Variants in SETBP1 observed in about 807,000 individuals in gnomAD.
SETBP1 encodes SET binding protein 1, also known as SET-binding protein.
Under a neutral mutation model 101.0 loss-of-function variants are expected in SETBP1, and 9 were observed. The observed-to-expected ratio is 0.09, with a 90% confidence interval of 0.05 to 0.16. The LOEUF (loss-of-function observed/expected upper bound fraction) is 0.16, where lower values mean the gene tolerates loss of function less well. Ranked by LOEUF, SETBP1 falls within the 10% of genes least tolerant of loss-of-function variation. The probability of loss-of-function intolerance (pLI) is 1.00; values close to 1 mark genes in which losing one functional copy is unlikely to be tolerated. For synonymous variants in SETBP1, 818 were observed against 788.5 expected (o/e 1.04, Z -0.63); for missense variants, 1,858 against 2,033.8 (o/e 0.91, Z 1.66).
chr18:44,694,707 A>G (rs2068986974), intron 1 of SETBP1, among the ~76,000 whole-genome samples: 1 of 152,218 alleles, frequency 6.6e-6, no homozygotes, highest in Non-Finnish European at 1.5e-5. Context: ...GGTAGAAGGT[A>G]GTCCAGTACT....
intron 2 of SETBP1, among the ~76,000 whole-genome samples, chr18:44,781,070 AGGC>A (rs2071120045): frequency 6.6e-6 from 1 of 152,186 alleles, no homozygotes; most frequent in South Asian, 2.1e-4. Context: ...GCAAGTGGGC[AGGC>A]TGCTGGGCTG....
rs138885537 is a variant in SETBP1, at chr18:44,737,769, A to G, written c.486+35937A>G. On this transcript the variant is annotated intron_variant, in intron 2 of 5. Transcript: ENST00000649279. The stretch of plus-strand genomic sequence containing the variant: ...GCTGGCTGGAAGTTCCAGAACAGGG[A>G]TTCTTAGCCTTAGAAGTGTAGTTGT... 3.8e-4 allele frequency among the ~76,000 whole-genome samples: 58 copies of G among 152,318 alleles called. No homozygotes were observed. The East Asian group carries it at 0.011, about 29-fold the overall frequency.
At chr18:44,687,357 G>T (rs1402854704) in intron 1 of SETBP1, among the ~76,000 whole-genome samples, 1 of 152,172 alleles carries the variant, frequency 6.6e-6, no homozygotes, top group Non-Finnish European at 1.5e-5. Flanking sequence ...CCCTTTAATG[G>T]CGCCGCCAAC....
chr18:44,731,059 G>A (rs951404295), intron 2 of SETBP1, among the ~76,000 whole-genome samples: 1 of 152,114 alleles, frequency 6.6e-6, no homozygotes, highest in Non-Finnish European at 1.5e-5. Context: ...TATGACCCTG[G>A]TGACTGGGCT....
chr18:44,948,511 A>AGATAGATAGATC (rs1555705521), intron 3 of SETBP1, among the ~76,000 whole-genome samples: 1 of 151,952 alleles, frequency 6.6e-6, no homozygotes, highest in Non-Finnish European at 1.5e-5. Context: ...ATAGATAGAT[A>AGATAGATAGATC]GATAGATAGA....
intron 2 of SETBP1, among the ~76,000 whole-genome samples, chr18:44,788,502 G>A (rs931093754): frequency 2.0e-5 from 3 of 152,194 alleles, no homozygotes; most frequent in African/African-American, 4.8e-5. Context: ...AGATGGCTGA[G>A]GCCATTAGCA....
chr18:44,816,589 C>T lies in SETBP1; in HGVS notation c.487-52641C>T, dbSNP rs767825700. Among the ~76,000 whole-genome samples, 7 of 152,292 alleles carry T rather than the reference C, an allele frequency of 4.6e-5. No homozygotes were observed. In the East Asian group the frequency reaches 1.4e-3, roughly 29 times the overall value. On this transcript the variant is annotated intron_variant, in intron 2 of 5. Coordinates refer to ENST00000649279, the MANE Select transcript of SETBP1 (RefSeq NM_015559.3). ...AGCCAGGACGGGAGTCCTTTCTGTG[C>T]ACACCAGAGCATCAGCAAAAGAAGG...
At chr18:44,708,003 A>G (rs2069258907) in intron 2 of SETBP1, among the ~76,000 whole-genome samples, 1 of 152,072 alleles carries the variant, frequency 6.6e-6, no homozygotes, top group Non-Finnish European at 1.5e-5. Flanking sequence ...TTCTCTCTTG[A>G]CCTTTAATGG....
intron 3 of SETBP1, among the ~76,000 whole-genome samples, chr18:44,944,274 C>T (rs114180555): frequency 3.9e-5 from 6 of 152,230 alleles, no homozygotes; most frequent in South Asian, 4.2e-4. Flanking sequence ...CAGGAATGCT[C>T]GGTGTTGCTA....
At chr18:44,981,167 G>A (rs558036236) in intron 4 of SETBP1, among the ~76,000 whole-genome samples, 1 of 152,244 alleles carries the variant, frequency 6.6e-6, no homozygotes, top group East Asian at 1.9e-4. Flanking sequence ...GATCTTCAAG[G>A]CCCTCAATTC....
At chr18:44,762,045 G>A (rs745392819) in intron 2 of SETBP1, among the ~76,000 whole-genome samples, 3 of 152,100 alleles carry the variant, frequency 2.0e-5, no homozygotes, top group African/African-American at 4.8e-5. Flanking sequence ...TATTAGGACC[G>A]TTATGTAATG....
intron 3 of SETBP1, among the ~76,000 whole-genome samples, chr18:44,881,842 A>C (rs2069536915): frequency 6.6e-6 from 1 of 152,196 alleles, no homozygotes; most frequent in South Asian, 2.1e-4. Flanking sequence ...GGTTCTAGTA[A>C]ATGTGACAGT....
intron 4 of SETBP1, among the ~76,000 whole-genome samples, chr18:44,989,675 C>T (rs1159789241): frequency 6.6e-6 from 1 of 151,108 alleles, no homozygotes; most frequent in South Asian, 2.1e-4. Flanking sequence ...CGAGACCATC[C>T]CGGCTAAAAC....
intron 1 of SETBP1, among the ~76,000 whole-genome samples, chr18:44,693,560 G>A (rs1025676934): frequency 5.3e-5 from 8 of 152,098 alleles, no homozygotes; most frequent in Non-Finnish European, 1.0e-4. Flanking sequence ...TGCATGCAAA[G>A]TCCCATGAAG....
intron 2 of SETBP1, among the ~76,000 whole-genome samples, chr18:44,845,228 T>G (rs1176214212): frequency 6.6e-6 from 1 of 152,192 alleles, no homozygotes; most frequent in Non-Finnish European, 1.5e-5. Context: ...TAAGTTAGTT[T>G]CCATGCTCTC....
chr18:44,900,644 A>T (rs4890273), intron 3 of SETBP1, among the ~76,000 whole-genome samples: 59,545 of 152,100 alleles, frequency 0.39, 11,749 homozygotes, highest in Middle Eastern at 0.44. Context: ...TGCCCCCCAG[A>T]CCAGCAGCAT....
chr18:44,868,681 AG>A (rs2069184443), intron 2 of SETBP1, among the ~76,000 whole-genome samples: 6 of 134,610 alleles, frequency 4.5e-5, no homozygotes, highest in Non-Finnish European at 9.7e-5. Context: ...AGAGAGAGAG[AG>A]AGAGAGAGAG....
At chr18:44,874,157 A>G (rs905987091) in intron 3 of SETBP1, among the ~76,000 whole-genome samples, 1 of 152,234 alleles carries the variant, frequency 6.6e-6, no homozygotes, top group African/African-American at 2.4e-5. Flanking sequence ...CTAATAAAAA[A>G]TTTAATTAAC....
chr18:44,798,932 T>C (rs1195912179), intron 2 of SETBP1, among the ~76,000 whole-genome samples: 1 of 152,218 alleles, frequency 6.6e-6, no homozygotes, highest in Non-Finnish European at 1.5e-5. Flanking sequence ...CCACATTTCA[T>C]GCACTTGCCT....
Sources: gnomAD v4.1 joint callset for allele counts (sites outside exome capture counted in the v4.1 genomes callset) on GRCh38, gnomAD v4.1.1 for gene constraint, MANE v1.5 for transcripts, NCBI Gene and HGNC (gene_info 2026-07-23, HGNC 2026-07-21) for gene names.